ARHGAP24: variants seen among roughly 807,000 people sequenced by gnomAD.
ARHGAP24 encodes Rho GTPase activating protein 24.
A neutral mutation model predicts 76.4 loss-of-function variants in ARHGAP24; 50 were observed. That is an observed-to-expected ratio of 0.65 (90% CI 0.52 to 0.83). The LOEUF (loss-of-function observed/expected upper bound fraction) is 0.83. Among genes scored for constraint, ARHGAP24 ranks in the 40% least tolerant of loss-of-function variants. The probability of loss-of-function intolerance (pLI) is 0.00; values close to 1 mark genes in which losing one functional copy is unlikely to be tolerated. For synonymous variants in ARHGAP24, 345 were observed against 323.3 expected (o/e 1.07, Z -0.72); for missense variants, 930 against 914.2 (o/e 1.02, Z -0.22).
chr4:85,695,408 C>G (rs1441698754), intron 2 of ARHGAP24, among the ~76,000 whole-genome samples: 1 of 152,142 alleles, frequency 6.6e-6, no homozygotes, highest in Non-Finnish European at 1.5e-5. Context: ...TCATTTATCT[C>G]AGTGAAAGAG....
chr4:85,521,466 G>A (rs978668312), intron 1 of ARHGAP24, among the ~76,000 whole-genome samples: 12 of 89,048 alleles, frequency 1.3e-4, no homozygotes, highest in African/African-American at 2.1e-4. Flanking sequence ...ACCTCCATCC[G>A]GACATTGCCA....
At chr4:85,656,412 T>C (rs2869360) in intron 2 of ARHGAP24, among the ~76,000 whole-genome samples, 63,190 of 151,774 alleles carry the variant, frequency 0.42, 15,065 homozygotes, top group East Asian at 0.84. Flanking sequence ...AATTCTAATA[T>C]GATAGGACTT....
chr4:85,486,809 G>A (rs968494957), intron 1 of ARHGAP24, among the ~76,000 whole-genome samples: 1 of 152,058 alleles, frequency 6.6e-6, no homozygotes, highest in African/African-American at 2.4e-5. Flanking sequence ...TATGATGAAA[G>A]CATTGCATGC....
chr4:85,780,384 C>T (rs561681653), intron 3 of ARHGAP24, among the ~76,000 whole-genome samples: 4 of 152,022 alleles, frequency 2.6e-5, no homozygotes, highest in Non-Finnish European at 5.9e-5. Flanking sequence ...ATGTTGGCCA[C>T]GCTGGTCTTG....
At chr4:85,481,667 A>G (rs1332017867) in intron 1 of ARHGAP24, among the ~76,000 whole-genome samples, 4 of 152,224 alleles carry the variant, frequency 2.6e-5, no homozygotes, top group Admixed American at 2.6e-4. Flanking sequence ...CCAGTAATCT[A>G]TATCCATTAC....
intron 4 of ARHGAP24, chr4:85,930,366 G>T: frequency 1.0e-6 from 1 of 986,864 alleles, no homozygotes; most frequent in Non-Finnish European, 1.2e-6. Context: ...TCCTTTGAAA[G>T]AAATCTATCA....
intron 1 of ARHGAP24, among the ~76,000 whole-genome samples, chr4:85,508,624 C>T (rs751727044): frequency 9.9e-5 from 15 of 152,176 alleles, no homozygotes; most frequent in Non-Finnish European, 2.1e-4. Flanking sequence ...CTTTCATTCC[C>T]GTGCTATGAG....
intron 3 of ARHGAP24, among the ~76,000 whole-genome samples, chr4:85,818,810 C>A (rs1488918990): frequency 2.0e-5 from 3 of 152,132 alleles, no homozygotes; most frequent in Admixed American, 6.5e-5. Flanking sequence ...CTCTTTTATT[C>A]TCTATATCCA....
Position 85,929,373 on chromosome 4 carries a change from A to G in ARHGAP24, c.391+5603A>G, listed in dbSNP as rs567327137. Among the ~76,000 whole-genome samples, 3 of 152,316 alleles carry G rather than the reference A, an allele frequency of 2.0e-5. No homozygotes were observed. The South Asian group carries it at 6.2e-4, about 32-fold the overall frequency. On this transcript the variant is annotated intron_variant, in intron 4 of 9. Coordinates refer to ENST00000395184, the MANE Select transcript of ARHGAP24 (RefSeq NM_001025616.3). The stretch of plus-strand genomic sequence containing the variant: ...TGGAAAGACCTTTTTAATACTCCTC[A>G]TGGTCTTGTAAAGCTTCTGCCAAAT...
At chr4:85,830,541 A>C (rs1729940360) in intron 3 of ARHGAP24, among the ~76,000 whole-genome samples, 1 of 152,182 alleles carries the variant, frequency 6.6e-6, no homozygotes, top group African/African-American at 2.4e-5. Context: ...CTTTTAGCTT[A>C]TGGGATTGGC....
intron 1 of ARHGAP24, among the ~76,000 whole-genome samples, chr4:85,504,740 A>C (rs1723967545): frequency 1.3e-5 from 2 of 152,198 alleles, no homozygotes; most frequent in Admixed American, 6.5e-5. Context: ...ATATTGTTAT[A>C]TGTCAATTTG....
intron 5 of ARHGAP24, among the ~76,000 whole-genome samples, chr4:85,956,571 T>G (rs1560744504): frequency 6.6e-6 from 1 of 152,156 alleles, no homozygotes; most frequent in Non-Finnish European, 1.5e-5. Flanking sequence ...GCAGTCAGTG[T>G]TATAGCTCTA....
chr4:85,873,620 C>G (rs1027825676), intron 3 of ARHGAP24, among the ~76,000 whole-genome samples: 1 of 152,096 alleles, frequency 6.6e-6, no homozygotes, highest in Admixed American at 6.5e-5. Flanking sequence ...ATGGGCAACC[C>G]CGTTCTTGTC....
intron 3 of ARHGAP24, among the ~76,000 whole-genome samples, chr4:85,837,920 G>A (rs1730377826): frequency 6.6e-6 from 1 of 152,062 alleles, no homozygotes; most frequent in Non-Finnish European, 1.5e-5. Context: ...TGCTCTGCTG[G>A]CTTTATCTAT....
intron 3 of ARHGAP24, among the ~76,000 whole-genome samples, chr4:85,768,953 C>T (rs1727028598): frequency 6.6e-6 from 1 of 151,992 alleles, no homozygotes; most frequent in African/African-American, 2.4e-5. Flanking sequence ...ATTAATAGAC[C>T]CCACAAATGT....
intron 1 of ARHGAP24, among the ~76,000 whole-genome samples, chr4:85,522,276 TAAAC>T (rs1252674686): frequency 1.2e-4 from 19 of 152,188 alleles, no homozygotes; most frequent in Admixed American, 1.3e-4. Context: ...ATTAATAAAA[TAAAC>T]AAATTCCACA....
At chr4:85,931,058 G>A (rs1250284032) in intron 4 of ARHGAP24, 2 of 1,606,422 alleles carry the variant, frequency 1.2e-6, no homozygotes, top group Admixed American at 1.7e-5. Flanking sequence ...TAGATAATAT[G>A]TTCATGTCCT....
chr4:85,580,491 C>T (rs1309722080), intron 2 of ARHGAP24, among the ~76,000 whole-genome samples: 2 of 152,164 alleles, frequency 1.3e-5, no homozygotes, highest in Non-Finnish European at 2.9e-5. Context: ...TGGGGACCCA[C>T]TTTTCATTAT....
chr4:85,554,666 T>C (rs554583961), intron 1 of ARHGAP24, among the ~76,000 whole-genome samples: 143 of 152,128 alleles, frequency 9.4e-4, no homozygotes, highest in Non-Finnish European at 1.7e-3. Context: ...TTTATTATTA[T>C]TATTTTTTCT....
Sources: gnomAD v4.1 joint callset for allele counts (sites outside exome capture counted in the v4.1 genomes callset) on GRCh38, gnomAD v4.1.1 for gene constraint, MANE v1.5 for transcripts, NCBI Gene and HGNC (gene_info 2026-07-23, HGNC 2026-07-21) for gene names.